The following SH3RF3 variants were observed in gnomAD, a reference collection of about 807,000 sequenced individuals.
SH3RF3 encodes E3 ubiquitin-protein ligase SH3RF3.
In SH3RF3, 29 loss-of-function variants were observed where a neutral mutation model predicts 66.3. That is an observed-to-expected ratio of 0.44 (90% confidence interval 0.33 to 0.60). The LOEUF is 0.60. Among genes scored for constraint, SH3RF3 ranks in the 20% least tolerant of loss-of-function variants. The pLI is 0.04. For synonymous variants in SH3RF3, 583 were observed against 532.0 expected, an observed-to-expected ratio of 1.10 and a Z score of -1.32; for missense variants, 1,194 against 1,190.9, an observed-to-expected ratio of 1.00 and a Z score of -0.04.
intron 1 of SH3RF3, among the ~76,000 whole-genome samples, chr2:109,297,908 A>G (rs527496474): frequency 8.6e-5 from 13 of 151,232 alleles, no homozygotes; most frequent in Middle Eastern, 3.5e-3. Context: ...AACCATGTCA[A>G]TGCTCCCCAC....
chr2:109,330,578 A>G (rs1682260872), intron 1 of SH3RF3, among the ~76,000 whole-genome samples: 7 of 152,108 alleles, frequency 4.6e-5, no homozygotes, highest in Admixed American at 4.6e-4. Context: ...CACTGTTTGC[A>G]TGGGTGGATG....
intron 1 of SH3RF3, among the ~76,000 whole-genome samples, chr2:109,261,152 G>A (rs1033192018): frequency 6.6e-6 from 1 of 152,108 alleles, no homozygotes; most frequent in African/African-American, 2.4e-5. Flanking sequence ...CTGTTGTGTG[G>A]ACACATCAAC....
chr2:109,303,671 C>T (rs933558815), intron 1 of SH3RF3, among the ~76,000 whole-genome samples: 13 of 152,298 alleles, frequency 8.5e-5, no homozygotes, highest in East Asian at 5.8e-4. Flanking sequence ...TGCCCACATT[C>T]GGGTTTTGTT....
chr2:109,163,690 C>T (rs968691221), intron 1 of SH3RF3, among the ~76,000 whole-genome samples: 3 of 152,272 alleles, frequency 2.0e-5, no homozygotes, highest in South Asian at 4.1e-4. Flanking sequence ...TGAGCCACCG[C>T]GCCTGGCCGC....
At chr2:109,195,505 T>C (rs1327546072) in intron 1 of SH3RF3, among the ~76,000 whole-genome samples, 1 of 152,234 alleles carries the variant, frequency 6.6e-6, no homozygotes, top group Admixed American at 6.5e-5. Context: ...GGCTTTATTT[T>C]GGAAACCTAC....
chr2:109,153,613 G>A (rs1467395476), intron 1 of SH3RF3, among the ~76,000 whole-genome samples: 2 of 152,228 alleles, frequency 1.3e-5, no homozygotes, highest in African/African-American at 4.8e-5. Flanking sequence ...GGAAGCTGCC[G>A]CTGTGAAAGA....
intron 2 of SH3RF3, among the ~76,000 whole-genome samples, chr2:109,363,139 C>T (rs1212263598): frequency 4.0e-5 from 6 of 151,350 alleles, no homozygotes; most frequent in African/African-American, 1.5e-4. Context: ...GTTATTTTTC[C>T]TGTCTTTCAC....
intron 4 of SH3RF3, among the ~76,000 whole-genome samples, chr2:109,401,016 C>T (rs753553767): frequency 6.6e-6 from 1 of 152,320 alleles, no homozygotes; most frequent in East Asian, 1.9e-4. Context: ...GACCCAGTGG[C>T]GGACCAGTGT....
chr2:109,420,374 G>A (rs1489033879), intron 5 of SH3RF3, among the ~76,000 whole-genome samples: 2 of 151,988 alleles, frequency 1.3e-5, no homozygotes, highest in Admixed American at 6.5e-5. Context: ...AGGGTGGGTA[G>A]ACGTCAGAGG....
At chr2:109,292,923 G>A (rs538134082) in intron 1 of SH3RF3, among the ~76,000 whole-genome samples, 57 of 152,194 alleles carry the variant, frequency 3.7e-4, no homozygotes, top group African/African-American at 1.4e-3. Context: ...GTAGAGACAG[G>A]GTTTCACCAT....
intron 1 of SH3RF3, among the ~76,000 whole-genome samples, chr2:109,217,161 T>C (rs999818564): frequency 3.3e-5 from 5 of 152,242 alleles, no homozygotes; most frequent in African/African-American, 1.2e-4. Flanking sequence ...CCACATCTTG[T>C]TTATTCATTC....
intron 3 of SH3RF3, among the ~76,000 whole-genome samples, chr2:109,386,390 G>C (rs1395167846): frequency 6.6e-6 from 1 of 152,144 alleles, no homozygotes; most frequent in South Asian, 2.1e-4. Flanking sequence ...AACACCAGGG[G>C]GCCGCTATGA....
At chr2:109,130,239 G>A in intron 1 of SH3RF3, 126 bp downstream of exon 1, 1 of 930,200 alleles carries the variant, frequency 1.1e-6, no homozygotes, top group Non-Finnish European at 1.4e-6. Flanking sequence ...CCACTCCGCT[G>A]TTGCTCTTCC....
intron 1 of SH3RF3, among the ~76,000 whole-genome samples, chr2:109,156,497 G>A (rs1302129556): frequency 6.6e-6 from 1 of 151,940 alleles, no homozygotes; most frequent in East Asian, 1.9e-4. Context: ...CCAGGCTGGA[G>A]TGCAGTGGTG....
chr2:109,360,416 T>G (rs571411042), intron 2 of SH3RF3, among the ~76,000 whole-genome samples: 4 of 152,208 alleles, frequency 2.6e-5, no homozygotes, highest in Non-Finnish European at 4.4e-5. Context: ...ACACAAACTT[T>G]GTTTCATGCA....
intron 1 of SH3RF3, among the ~76,000 whole-genome samples, chr2:109,326,392 T>G (rs745327156): frequency 6.6e-6 from 1 of 152,222 alleles, no homozygotes; most frequent in Non-Finnish European, 1.5e-5. Context: ...AAGTACATCC[T>G]TACCCTGGAG....
intron 1 of SH3RF3, among the ~76,000 whole-genome samples, chr2:109,256,148 G>T (rs1489643725): frequency 3.3e-5 from 5 of 152,224 alleles, no homozygotes; most frequent in Non-Finnish European, 5.9e-5. Context: ...TGGCCGCTGT[G>T]ACCCAGCACC....
intron 2 of SH3RF3, among the ~76,000 whole-genome samples, chr2:109,369,517 A>G (rs1223677355): frequency 6.6e-6 from 1 of 152,154 alleles, no homozygotes; most frequent in Non-Finnish European, 1.5e-5. Flanking sequence ...TGTCAGTTGG[A>G]AAAAGTGGCA....
rs532448898 is a variant in SH3RF3 at position 109,226,964 on chromosome 2, G to A, written c.573+96851G>A. ...CCACCATGGCCGGGTTCATGGCTCAGATGATGCCATCAGGACTTGGTCTCT... is the reference window on the plus strand; with the variant it reads ...CCACCATGGCCGGGTTCATGGCTCAAATGATGCCATCAGGACTTGGTCTCT... On this transcript the variant is annotated intron_variant, in intron 1 of 9. Transcript: ENST00000309415. Among the ~76,000 whole-genome samples the A allele has an allele frequency of 9.2e-5, 14 of 152,308 alleles. No individual in the cohort carries two copies. In the South Asian group the frequency reaches 2.9e-3, roughly 32 times the overall value.
Sources: gnomAD v4.1 joint callset for allele counts (sites outside exome capture counted in the v4.1 genomes callset) on GRCh38, gnomAD v4.1.1 for gene constraint, MANE v1.5 for transcripts, NCBI Gene and HGNC (gene_info 2026-07-23, HGNC 2026-07-21) for gene names.